Variants in EYA2 observed in about 807,000 individuals in gnomAD.
EYA2 encodes protein phosphatase EYA2.
In EYA2, 31 loss-of-function variants were observed where a neutral mutation model predicts 69.2. The ratio of observed to expected loss-of-function variants is 0.45; its 90% CI spans 0.34 to 0.60. EYA2 has a LOEUF of 0.60. Ranked by LOEUF, EYA2 falls within the 20% of genes least tolerant of loss-of-function variation. The probability of loss-of-function intolerance (pLI) is 0.02; values close to 1 mark genes in which losing one functional copy is unlikely to be tolerated. For synonymous variants in EYA2, 257 were observed against 279.4 expected (o/e 0.92, Z 0.80); for missense variants, 622 against 701.2 (o/e 0.89, Z 1.28).
chr20:46,944,192 TGGTCCTGTTTTGGCCAAGCA>T (rs984132968), intron 1 of EYA2, among the ~76,000 whole-genome samples: 1 of 152,186 alleles, frequency 6.6e-6, no homozygotes, highest in African/African-American at 2.4e-5. Flanking sequence ...GAGGATGTCA[TGGTCCTGTTTTGGCCAAGCA>T]GGTCCTGTTT....
intron 15 of EYA2, among the ~76,000 whole-genome samples, chr20:47,187,404 G>A (rs1288882827): frequency 6.6e-6 from 1 of 151,878 alleles, no homozygotes; most frequent in African/African-American, 2.4e-5. Flanking sequence ...ACTTGAAGCA[G>A]GTACCACCTG....
chr20:46,920,544 G>A (rs1300592900), intron 1 of EYA2, among the ~76,000 whole-genome samples: 4 of 152,040 alleles, frequency 2.6e-5, no homozygotes, highest in African/African-American at 9.7e-5. Context: ...TTTTTCGGGA[G>A]GGAGATTTTC....
chr20:46,906,942 T>G (rs990520723), intron 1 of EYA2, among the ~76,000 whole-genome samples: 1 of 152,212 alleles, frequency 6.6e-6, no homozygotes, highest in Non-Finnish European at 1.5e-5. Context: ...AAGGATGTAT[T>G]TGCGTATTCC....
At chr20:47,164,219 G>A (rs2034134294) in intron 10 of EYA2, among the ~76,000 whole-genome samples, 1 of 152,180 alleles carries the variant, frequency 6.6e-6, no homozygotes, top group South Asian at 2.1e-4. Flanking sequence ...GCTGGCTCAA[G>A]GGGTAACTTG....
chr20:46,978,507 A>G (rs548055870), intron 1 of EYA2: 50 of 522,138 alleles, frequency 9.6e-5, no homozygotes, highest in Admixed American at 7.9e-4. Context: ...GGGAGTGTGG[A>G]GCGAGAGAAA....
chr20:47,128,462 A>AT (rs1405091275), intron 9 of EYA2, among the ~76,000 whole-genome samples: 1 of 152,014 alleles, frequency 6.6e-6, no homozygotes, highest in African/African-American at 2.4e-5. Flanking sequence ...TGGAAGTGTA[A>AT]TTGTCATTAA....
intron 1 of EYA2, among the ~76,000 whole-genome samples, chr20:46,932,512 T>C (rs924576720): frequency 6.6e-6 from 1 of 151,400 alleles, no homozygotes; most frequent in Non-Finnish European, 1.5e-5. Context: ...TGGGAGGTGA[T>C]TGGATCTTGG....
At chr20:47,112,620 G>C (rs2032777976) in intron 9 of EYA2, among the ~76,000 whole-genome samples, 1 of 152,070 alleles carries the variant, frequency 6.6e-6, no homozygotes. Flanking sequence ...GTAAAAGGAA[G>C]TATCAGCTGA....
At chr20:47,100,765 T>A (rs143701156) in intron 9 of EYA2, among the ~76,000 whole-genome samples, 2 of 152,370 alleles carry the variant, frequency 1.3e-5, no homozygotes, top group African/African-American at 4.8e-5. Context: ...AGGTGAGGAA[T>A]GAATGAGTAT....
intron 1 of EYA2, among the ~76,000 whole-genome samples, chr20:46,957,508 GGA>G (rs1345916212): frequency 6.8e-6 from 1 of 146,904 alleles, no homozygotes; most frequent in Non-Finnish European, 1.5e-5. Flanking sequence ...TGTTCTTATA[GGA>G]GAGAGGCAGA....
At chr20:46,977,541 G>T (rs1057493118) in intron 1 of EYA2, among the ~76,000 whole-genome samples, 1 of 152,206 alleles carries the variant, frequency 6.6e-6, no homozygotes, top group African/African-American at 2.4e-5. Flanking sequence ...AAAGGACAGG[G>T]GAAGGGGAGG....
chr20:46,991,224 G>T (rs1015526922), intron 2 of EYA2, among the ~76,000 whole-genome samples: 1 of 152,180 alleles, frequency 6.6e-6, no homozygotes, highest in Non-Finnish European at 1.5e-5. Context: ...AAGTAGAGAC[G>T]CAAGTCAACT....
intron 15 of EYA2, among the ~76,000 whole-genome samples, chr20:47,185,394 AG>A (rs1419571833): frequency 7.3e-6 from 1 of 137,352 alleles, no homozygotes; most frequent in Non-Finnish European, 1.5e-5. Flanking sequence ...TCCACCTCCC[AG>A]GTTCAAGCGA....
At chr20:46,924,423 C>T (rs908601604) in intron 1 of EYA2, among the ~76,000 whole-genome samples, 5 of 152,148 alleles carry the variant, frequency 3.3e-5, no homozygotes, top group African/African-American at 9.7e-5. Context: ...GTAATCCCAG[C>T]ACTTTGGGAG....
At chr20:47,131,317 A>G (rs892804285) in intron 9 of EYA2, among the ~76,000 whole-genome samples, 1 of 152,160 alleles carries the variant, frequency 6.6e-6, no homozygotes, top group African/African-American at 2.4e-5. Context: ...AACTATTACA[A>G]CGAACAAAAT....
Position 46,894,984 on chromosome 20 carries a change from C to G in EYA2, c.-14C>G, listed in dbSNP as rs1983722827. The G allele has an allele frequency of 6.6e-6, 1 of 151,636 alleles. No individual in the cohort carries two copies. Among genetic ancestry groups the G allele is most frequent in the Non-Finnish European group, 1.5e-5 (1 of 67,874 alleles). 9.4% of individuals were successfully genotyped at this position (151,636 alleles called of 1,614,324 possible). ...GCGTCGGGGCGCCCTCTCCACTGCGCGCGGTGAGTACCGCCAGCGGCGCCC... is the reference window on the plus strand; with the variant it reads ...GCGTCGGGGCGCCCTCTCCACTGCGGGCGGTGAGTACCGCCAGCGGCGCCC... On this transcript the variant is annotated 5_prime_UTR_variant, in exon 1 of 16. Transcript: ENST00000327619.
Position 47,130,261 on chromosome 20 carries a change from CTTTTTTTT to C in EYA2, c.889-12784_889-12777del, listed in dbSNP as rs74178703. 1.7e-4 allele frequency among the ~76,000 whole-genome samples: 14 copies of C among 81,264 alleles called. No individual in the cohort carries two copies. The East Asian group carries it at 3.4e-3, about 20-fold the overall frequency. 53.3% of individuals were successfully genotyped at this position (81,264 alleles called of 152,430 possible). ...AAAGAAATAAAAGAAGGTTTATTTT[CTTTTTTTT>C]TTTTTTTTTTTTTGAGACAGAGTCT... On this transcript the variant is annotated intron_variant, in intron 9 of 15. Transcript: ENST00000327619.
intron 10 of EYA2, among the ~76,000 whole-genome samples, chr20:47,145,900 TA>T (rs112472302): frequency 0.042 from 5,774 of 137,990 alleles, 338 homozygotes; most frequent in East Asian, 0.17. Flanking sequence ...AACTCCATCT[TA>T]AAAAAAAAAA....
At chr20:46,899,761 G>A (rs763419905) in intron 1 of EYA2, among the ~76,000 whole-genome samples, 3 of 152,332 alleles carry the variant, frequency 2.0e-5, no homozygotes, top group East Asian at 1.9e-4. Flanking sequence ...AGCAGGCTGC[G>A]GGTCAGTGGG....
Sources: gnomAD v4.1 joint callset for allele counts (sites outside exome capture counted in the v4.1 genomes callset) on GRCh38, gnomAD v4.1.1 for gene constraint, MANE v1.5 for transcripts, NCBI Gene and HGNC (gene_info 2026-07-23, HGNC 2026-07-21) for gene names.